AK8: variants seen among roughly 807,000 people sequenced by gnomAD.
AK8 encodes ATP-AMP transphosphorylase 8.
Under a neutral mutation model 54.6 loss-of-function variants are expected in AK8, and 44 were observed. The ratio of observed to expected loss-of-function variants is 0.81; its 90% CI spans 0.63 to 1.04. The LOEUF (loss-of-function observed/expected upper bound fraction) is 1.04. AK8 is among the 50% of genes least tolerant of loss of function. The pLI is 0.00. For synonymous variants in AK8, 239 were observed against 245.6 expected (o/e 0.97, Z 0.25); for missense variants, 555 against 613.6 (o/e 0.90, Z 1.01).
intron 9 of AK8, among the ~76,000 whole-genome samples, chr9:132,816,885 G>GA (rs1841355766): frequency 6.6e-6 from 1 of 152,156 alleles, no homozygotes; most frequent in Non-Finnish European, 1.5e-5. Context: ...GAGACGGCCA[G>GA]AATTTGTAGA....
At chr9:132,875,376 G>A in intron 1 of AK8, 177 bp from the exon 2 acceptor site, 1 of 924,022 alleles carries the variant, frequency 1.1e-6, no homozygotes, top group Non-Finnish European at 1.3e-6. Context: ...AGAGGCATGA[G>A]GGGGGCCACG....
At chr9:132,813,541 A>G (rs190326872) in intron 10 of AK8, among the ~76,000 whole-genome samples, 1 of 152,328 alleles carries the variant, frequency 6.6e-6, no homozygotes, top group East Asian at 1.9e-4. Flanking sequence ...AACAGACTTG[A>G]TAAGTGGGTG....
At chr9:132,842,183 C>T (rs999634061) in intron 5 of AK8, among the ~76,000 whole-genome samples, 4 of 152,148 alleles carry the variant, frequency 2.6e-5, no homozygotes, top group Admixed American at 6.5e-5. Context: ...TTAGGGCATC[C>T]GGATGTGACT....
intron 11 of AK8, among the ~76,000 whole-genome samples, chr9:132,771,057 G>A (rs1838956884): frequency 2.0e-5 from 3 of 152,188 alleles, no homozygotes; most frequent in Non-Finnish European, 2.9e-5. Context: ...AAGACTCTGC[G>A]CTCAGCGGCT....
At position 132,854,937 on chromosome 9, in the gene AK8, A is replaced by T. The variant is rs200443521; in HGVS notation, c.334-12T>A. 28 of 1,613,864 alleles carry T rather than the reference A, an allele frequency of 1.7e-5. No individual in the cohort carries two copies. Among genetic ancestry groups the T allele is most frequent in the Non-Finnish European group, 2.4e-5 (28 of 1,179,958 alleles). On this transcript the variant is annotated splice_polypyrimidine_tract_variant and intron_variant, in intron 4 of 12. Transcript: ENST00000298545. ...GCGCTGGGAACTGTCTGAAGGAAAA[A>T]GGACACACAGAATGATGGCCCAAAC... is the stretch of plus-strand genomic sequence containing the variant.
At chr9:132,806,521 G>A (rs399842) in intron 10 of AK8, among the ~76,000 whole-genome samples, 42,735 of 152,114 alleles carry the variant, frequency 0.28, 6,168 homozygotes, top group East Asian at 0.49. Flanking sequence ...TCCCCTCCAC[G>A]GGAAGACAGC....
In AK8 at chr9:132,792,678, G is replaced by A. The variant is rs774492589; in HGVS notation, c.1077C>T (p.Leu359=). 17 of 1,555,694 alleles carry A rather than the reference G, an allele frequency of 1.1e-5. No homozygotes were observed. Among genetic ancestry groups the A allele is most frequent in the South Asian group, 3.6e-5 (3 of 84,258 alleles). Residue 359 remains leucine, a synonymous_variant, in exon 11 of 13, where the codon CTC becomes CTT. Transcript: ENST00000298545. ...GWVLHGVPRD[L]DQAHLLNRLG... The stretch of plus-strand genomic sequence containing the variant: ...GGCGGTTCAGCAGGTGTGCCTGGTC[G>A]AGGTCCCGCGGGACGCCGTGTAGCA...
At chr9:132,846,896 T>C (rs1412992371) in intron 5 of AK8, among the ~76,000 whole-genome samples, 1 of 152,166 alleles carries the variant, frequency 6.6e-6, no homozygotes, top group African/African-American at 2.4e-5. Context: ...ACACTGGCCA[T>C]GTAGGGTCCC....
At chr9:132,841,710 G>A (rs1438320848) in intron 5 of AK8, among the ~76,000 whole-genome samples, 1 of 152,216 alleles carries the variant, frequency 6.6e-6, no homozygotes, top group African/African-American at 2.4e-5. Flanking sequence ...GTTTTTGTGG[G>A]ATGATTTCTG....
At chr9:132,854,987 G>C (rs1310641661) in intron 4 of AK8, 62 bp from the exon 5 acceptor site, 1 of 1,569,020 alleles carries the variant, frequency 6.4e-7, no homozygotes, top group Non-Finnish European at 8.8e-7. Flanking sequence ...TCAGGACACA[G>C]ACCAGCACAC....
At chr9:132,835,061 G>A (rs1211355673) in intron 5 of AK8, among the ~76,000 whole-genome samples, 2 of 152,128 alleles carry the variant, frequency 1.3e-5, no homozygotes, top group Non-Finnish European at 2.9e-5. Context: ...TAGTAGAGAC[G>A]GGGTTTCCCC....
intron 10 of AK8, among the ~76,000 whole-genome samples, chr9:132,810,613 A>T (rs771723231): frequency 5.9e-5 from 9 of 152,234 alleles, no homozygotes; most frequent in Non-Finnish European, 1.0e-4. Flanking sequence ...AAGGATCTGT[A>T]AACGCCCAAC....
chr9:132,796,296 G>A (rs770127019), intron 10 of AK8, among the ~76,000 whole-genome samples: 45 of 152,318 alleles, frequency 3.0e-4, no homozygotes, highest in Non-Finnish European at 5.6e-4. Flanking sequence ...AATCTGACTC[G>A]AGGGAAAAAT....
chr9:132,804,104 CAAAAAAAAAAA>C (rs200556575), intron 10 of AK8, among the ~76,000 whole-genome samples: 6 of 93,262 alleles, frequency 6.4e-5, no homozygotes, highest in African/African-American at 3.9e-5. Flanking sequence ...GACTCCATCT[CAAAAAAAAAAA>C]AAAAAAAAAA....
At chr9:132,742,460 C>T (rs1461372440) in intron 11 of AK8, among the ~76,000 whole-genome samples, 2 of 152,228 alleles carry the variant, frequency 1.3e-5, no homozygotes, top group African/African-American at 2.4e-5. Flanking sequence ...GCGTGAGCCA[C>T]GGTGCTAGCC....
chr9:132,847,129 C>T (rs1588207109), intron 5 of AK8, among the ~76,000 whole-genome samples: 2 of 152,376 alleles, frequency 1.3e-5, no homozygotes, highest in South Asian at 2.1e-4. Flanking sequence ...GAAGCAAACA[C>T]TCTTGACCAG....
intron 11 of AK8, among the ~76,000 whole-genome samples, chr9:132,767,413 T>C (rs1450694358): frequency 2.0e-5 from 3 of 151,872 alleles, no homozygotes; most frequent in African/African-American, 4.8e-5. Context: ...TTAGATATCA[T>C]CTCACCCCAG....
At chr9:132,807,335 A>G (rs1247464097) in intron 10 of AK8, among the ~76,000 whole-genome samples, 6 of 152,324 alleles carry the variant, frequency 3.9e-5, no homozygotes, top group Non-Finnish European at 8.8e-5. Context: ...ACTGCTGGGG[A>G]CATGGCATGG....
intron 11 of AK8, among the ~76,000 whole-genome samples, chr9:132,760,586 T>C (rs1346990234): frequency 6.6e-6 from 1 of 152,180 alleles, no homozygotes; most frequent in African/African-American, 2.4e-5. Context: ...TATTTACTTT[T>C]CTTGTCTTTA....
Sources: allele counts gnomAD v4.1 joint callset (sites outside exome capture counted in the v4.1 genomes callset), GRCh38; gene constraint gnomAD v4.1.1; transcripts MANE v1.5; gene names NCBI Gene and HGNC (gene_info 2026-07-23, HGNC 2026-07-21).